Variants in SYNJ1 observed in about 807,000 individuals in gnomAD.
SYNJ1 encodes the protein polyphosphatidylinositol phosphatase SYNJ1.
Under a neutral mutation model 168.2 loss-of-function variants are expected in SYNJ1, and 78 were observed. The ratio of observed to expected loss-of-function variants is 0.46; its 90% CI spans 0.39 to 0.56. The LOEUF (loss-of-function observed/expected upper bound fraction) is 0.56. SYNJ1 is among the 20% of genes least tolerant of loss of function. The probability of loss-of-function intolerance (pLI) is 0.00; values close to 1 mark genes in which losing one functional copy is unlikely to be tolerated. For missense variants in SYNJ1, 1,303 were observed against 1,597.6 expected, an observed-to-expected ratio of 0.82 and a Z score of 3.14; for synonymous variants, 539 against 548.6, an observed-to-expected ratio of 0.98 and a Z score of 0.24.
At chr21:32,663,898 G>A (rs2040814892) in intron 18 of SYNJ1, among the ~76,000 whole-genome samples, 1 of 152,164 alleles carries the variant, frequency 6.6e-6, no homozygotes, top group African/African-American at 2.4e-5. Flanking sequence ...TGAAGGTGGG[G>A]GTCTGTGGGA....
chr21:32,647,661 A>T (rs1431754687), intron 23 of SYNJ1, among the ~76,000 whole-genome samples: 1 of 152,060 alleles, frequency 6.6e-6, no homozygotes, highest in Non-Finnish European at 1.5e-5. Context: ...ATGGTTCTTC[A>T]TCTCAAACAT....
At chr21:32,707,138 T>A (rs1199871396) in intron 2 of SYNJ1, among the ~76,000 whole-genome samples, 1 of 152,152 alleles carries the variant, frequency 6.6e-6, no homozygotes, top group Admixed American at 6.5e-5. Context: ...AAATATTACC[T>A]ATCCTTCAGT....
At chr21:32,643,297 T>G (rs1395189878) in intron 27 of SYNJ1, 113 bp downstream of exon 27, 4 of 1,093,116 alleles carry the variant, frequency 3.7e-6, no homozygotes, top group South Asian at 1.4e-5. Context: ...AGTTTACAGC[T>G]GGACCAAGAA....
At chr21:32,676,451 C>A in intron 12 of SYNJ1, 96 bp from the exon 13 acceptor site, 1 of 1,164,258 alleles carries the variant, frequency 8.6e-7, no homozygotes, top group Non-Finnish European at 1.2e-6. Context: ...GAGAAGACCT[C>A]ACTTAAGTCA....
intron 31 of SYNJ1, among the ~76,000 whole-genome samples, chr21:32,638,032 C>T (rs1250919917): frequency 2.0e-5 from 3 of 152,108 alleles, no homozygotes; most frequent in African/African-American, 7.2e-5. Flanking sequence ...TTCTGTATTT[C>T]AGATCTTTCC....
intron 13 of SYNJ1, among the ~76,000 whole-genome samples, chr21:32,675,126 C>A (rs946391058): frequency 6.6e-6 from 1 of 152,098 alleles, no homozygotes; most frequent in African/African-American, 2.4e-5. Context: ...TTTATCATTG[C>A]TCTTAAAAAT....
chr21:32,672,072 AAAAAAAAAAAAAG>A (rs1192053114), intron 14 of SYNJ1, among the ~76,000 whole-genome samples: 4 of 148,604 alleles, frequency 2.7e-5, no homozygotes, highest in African/African-American at 2.4e-5. Context: ...AAAAAAAAAA[AAAAAAAAAAAAAG>A]AAAAAGAAAA....
rs1362558274 is a variant in SYNJ1, at chr21:32,688,298, T to A, written c.851+8A>T. 6.2e-7 allele frequency: 1 copy of A among 1,612,090 alleles called. No individual in the cohort carries two copies. On this transcript the variant is annotated splice_region_variant and intron_variant, in intron 7 of 32. Transcript: ENST00000674351. The stretch of plus-strand genomic sequence containing the variant: ...AAAACTTAAAGCACTATGTAAAAAT[T>A]GTCTTACCTGTCAAAAGCAGGTGCA...
At chr21:32,655,109 T>G (rs1477530632) in intron 21 of SYNJ1, among the ~76,000 whole-genome samples, 2 of 152,238 alleles carry the variant, frequency 1.3e-5, no homozygotes, top group African/African-American at 4.8e-5. Context: ...GTGGGAAACC[T>G]TCTGGCTTCA....
At chr21:32,635,232 G>A (rs1267664513) in intron 31 of SYNJ1, among the ~76,000 whole-genome samples, 1 of 152,110 alleles carries the variant, frequency 6.6e-6, no homozygotes. Context: ...TTCATATGTT[G>A]ATTCCATAAG....
chr21:32,666,697 GTTT>G, intron 15 of SYNJ1, 124 bp from the exon 16 acceptor site: 2 of 1,007,486 alleles, frequency 2.0e-6, no homozygotes, highest in Non-Finnish European at 2.6e-6. Context: ...AGCTTAGGCT[GTTT>G]TTGTTTCCTT....
chr21:32,700,422 A>G (rs1009280111), intron 3 of SYNJ1, among the ~76,000 whole-genome samples: 16 of 152,210 alleles, frequency 1.1e-4, no homozygotes, highest in African/African-American at 3.4e-4. Context: ...TGGGAGGCTG[A>G]GGCAGGTGGA....
Position 32,639,782 on chromosome 21 carries a change from A to T in SYNJ1, c.3589-3T>A, listed in dbSNP as rs757413130. 4 of 1,612,432 alleles carry T rather than the reference A, an allele frequency of 2.5e-6. No individual in the cohort carries two copies. In the East Asian group the frequency reaches 8.9e-5, roughly 36 times the overall value. On this transcript the variant is annotated splice_polypyrimidine_tract_variant and splice_region_variant and intron_variant, in intron 29 of 32. Coordinates refer to ENST00000674351, the MANE Select transcript of SYNJ1 (RefSeq NM_203446.3). ...ACTCCAGCACGAGGAGGAATCGTCT[A>T]CAGATAGGAAACATAACACTTGAGA...
chr21:32,666,280 G>A (rs79854161), intron 16 of SYNJ1, 145 bp from the exon 17 acceptor site: 43 of 1,415,638 alleles, frequency 3.0e-5, no homozygotes, highest in Middle Eastern at 2.3e-4. Flanking sequence ...TGAAGCTATT[G>A]GTGAGTCTTT....
intron 6 of SYNJ1, among the ~76,000 whole-genome samples, chr21:32,692,469 G>A (rs1033253368): frequency 1.3e-5 from 2 of 152,088 alleles, no homozygotes; most frequent in African/African-American, 4.8e-5. Flanking sequence ...CCCAGCTCTC[G>A]GGAGGCTGAG....
chr21:32,664,166 A>C (rs1358879429), intron 18 of SYNJ1, among the ~76,000 whole-genome samples: 1 of 152,218 alleles, frequency 6.6e-6, no homozygotes, highest in African/African-American at 2.4e-5. Context: ...AAAAAGCTTC[A>C]TCACTACCTT....
intron 31 of SYNJ1, among the ~76,000 whole-genome samples, chr21:32,635,353 C>G (rs986071283): frequency 6.6e-6 from 1 of 152,054 alleles, no homozygotes. Context: ...AGAAGAGACA[C>G]CAGAGAGCGT....
chr21:32,662,744 T>C (rs1388232188), intron 18 of SYNJ1, among the ~76,000 whole-genome samples: 1 of 152,194 alleles, frequency 6.6e-6, no homozygotes, highest in East Asian at 1.9e-4. Flanking sequence ...GAAATCAATG[T>C]GGATACTGGT....
Position 32,650,214 on chromosome 21 carries a change from C to T in SYNJ1, c.3007G>A (p.Ala1003Thr), listed in dbSNP as rs911362591. ...STSSTLLGED[A>T]EVAADFDMEG... ...ATATCAAAATCTGCTGCAACCTCTG[C>T]ATCTTCACCAAGCAGGGTAGAGCTT... The change falls in exon 23 of 33, where the codon GCA becomes ACA. Residue 1003 changes from alanine to threonine, a missense_variant. Around this residue, in one of 2 missense-constraint regions of SYNJ1, gnomAD observed 920 missense variants for 1,208.8 expected, o/e 0.76. Transcript: ENST00000674351. The T allele has an allele frequency of 3.1e-6, 5 of 1,609,364 alleles. No homozygotes were observed. Among genetic ancestry groups the T allele is most frequent in the Middle Eastern group, 1.6e-4 (1 of 6,066 alleles).
Sources: gnomAD v4.1 joint callset for allele counts (sites outside exome capture counted in the v4.1 genomes callset) on GRCh38, gnomAD v4.1.1 for gene constraint, gnomAD v4.1.1 regional missense constraint, MANE v1.5 for transcripts, NCBI Gene and HGNC (gene_info 2026-07-23, HGNC 2026-07-21) for gene names.